Variants in SYT1 observed in about 807,000 individuals in gnomAD.
SYT1 encodes the protein synaptotagmin 1.
Under a neutral mutation model 44.8 loss-of-function variants are expected in SYT1, and 8 were observed. The observed-to-expected ratio is 0.18, with a 90% CI of 0.10 to 0.32. SYT1 has a LOEUF of 0.32. Ranked by LOEUF, SYT1 falls within the 10% of genes least tolerant of loss-of-function variation. SYT1 has a pLI of 1.00. For synonymous variants in SYT1, 154 were observed against 188.8 expected (o/e 0.82, Z 1.51); for missense variants, 286 against 509.3 (o/e 0.56, Z 4.22).
intron 3 of SYT1, among the ~76,000 whole-genome samples, chr12:79,048,909 C>T (rs571758734): frequency 6.6e-6 from 1 of 151,854 alleles, no homozygotes; most frequent in East Asian, 1.9e-4. Context: ...CAAAACAAAC[C>T]TTTTTCAACA....
intron 3 of SYT1, among the ~76,000 whole-genome samples, chr12:79,196,465 T>C (rs1873471587): frequency 6.6e-6 from 1 of 152,132 alleles, no homozygotes; most frequent in South Asian, 2.1e-4. Context: ...CGCACCCGGC[T>C]GTACATTTCT....
At chr12:79,095,322 C>T (rs1251125728) in intron 3 of SYT1, among the ~76,000 whole-genome samples, 1 of 151,796 alleles carries the variant, frequency 6.6e-6, no homozygotes, top group African/African-American at 2.4e-5. Context: ...CTTTGGAGCC[C>T]AGAGATCCAA....
intron 8 of SYT1, among the ~76,000 whole-genome samples, chr12:79,312,057 T>G: frequency 6.6e-6 from 1 of 151,962 alleles, no homozygotes; most frequent in Admixed American, 6.6e-5. Flanking sequence ...AATTAATTAA[T>G]TTTTAAAAAG....
chr12:78,883,346 C>T (rs1170881687), intron 1 of SYT1, among the ~76,000 whole-genome samples: 1 of 151,658 alleles, frequency 6.6e-6, no homozygotes, highest in Admixed American at 6.6e-5. Flanking sequence ...ACTGAAGTAT[C>T]ATCCTTCTTG....
intron 1 of SYT1, among the ~76,000 whole-genome samples, chr12:78,910,885 T>C (rs1258167325): frequency 2.0e-5 from 3 of 151,832 alleles, no homozygotes; most frequent in African/African-American, 7.3e-5. Context: ...AGGCAAATTA[T>C]TGAGAGGGCA....
intron 9 of SYT1, among the ~76,000 whole-genome samples, chr12:79,366,001 C>T (rs947557391): frequency 2.0e-5 from 3 of 152,038 alleles, no homozygotes; most frequent in Non-Finnish European, 2.9e-5. Context: ...AAATACATAC[C>T]GCTATGAAAG....
intron 1 of SYT1, among the ~76,000 whole-genome samples, chr12:78,975,890 C>G: frequency 6.6e-6 from 1 of 152,116 alleles, no homozygotes; most frequent in East Asian, 1.9e-4. Flanking sequence ...GAAAAAAATT[C>G]AATTATGAAA....
intron 2 of SYT1, among the ~76,000 whole-genome samples, chr12:79,038,549 A>T (rs943758340): frequency 5.9e-5 from 9 of 151,902 alleles, no homozygotes; most frequent in African/African-American, 1.9e-4. Context: ...GTCAAAAGAT[A>T]TGTAACAAAA....
chr12:79,384,138 T>C (rs1402550221), intron 9 of SYT1, among the ~76,000 whole-genome samples: 1 of 152,152 alleles, frequency 6.6e-6, no homozygotes, highest in African/African-American at 2.4e-5. Flanking sequence ...ACATGCATCA[T>C]GTTTCTGTAC....
At chr12:79,232,494 C>T (rs1323215942) in intron 4 of SYT1, among the ~76,000 whole-genome samples, 1 of 152,036 alleles carries the variant, frequency 6.6e-6, no homozygotes, top group Non-Finnish European at 1.5e-5. Context: ...TACAAATTGT[C>T]TCCTCTGCCT....
intron 3 of SYT1, among the ~76,000 whole-genome samples, chr12:79,216,890 A>G (rs1420090342): frequency 6.6e-6 from 1 of 152,196 alleles, no homozygotes; most frequent in Non-Finnish European, 1.5e-5. Flanking sequence ...ATTATTGATC[A>G]GAGTATTGTT....
intron 2 of SYT1, among the ~76,000 whole-genome samples, chr12:79,015,161 T>C (rs892036533): frequency 6.6e-6 from 1 of 151,948 alleles, no homozygotes; most frequent in Non-Finnish European, 1.5e-5. Context: ...TGTATACATA[T>C]GTAACTAACC....
intron 1 of SYT1, among the ~76,000 whole-genome samples, chr12:78,975,774 C>G (rs1161035829): frequency 3.3e-5 from 5 of 152,132 alleles, no homozygotes; most frequent in Non-Finnish European, 7.3e-5. Context: ...GGTGGCCATT[C>G]CCTCTGAGGA....
At chr12:79,097,920 G>A (rs1312297651) in intron 3 of SYT1, among the ~76,000 whole-genome samples, 1 of 151,992 alleles carries the variant, frequency 6.6e-6, no homozygotes, top group Non-Finnish European at 1.5e-5. Flanking sequence ...GTGTGTGCAT[G>A]TGAGCATGCA....
intron 3 of SYT1, among the ~76,000 whole-genome samples, chr12:79,166,794 A>T (rs987996559): frequency 1.3e-5 from 2 of 152,016 alleles, no homozygotes; most frequent in South Asian, 4.1e-4. Flanking sequence ...AGCTTTAGAG[A>T]TGCCTTTGCA....
intron 4 of SYT1, among the ~76,000 whole-genome samples, chr12:79,222,432 G>A (rs557791016): frequency 6.7e-6 from 1 of 148,342 alleles, no homozygotes; most frequent in African/African-American, 2.5e-5. Flanking sequence ...CCTAGACTGA[G>A]GTGCAGTGGC....
chr12:79,322,921 C>A (rs577172401), intron 8 of SYT1, among the ~76,000 whole-genome samples: 1 of 152,292 alleles, frequency 6.6e-6, no homozygotes, highest in African/African-American at 2.4e-5. Flanking sequence ...AAAGAACCAA[C>A]TTCTTTGGAG....
chr12:79,247,999 A>G (rs1342144974), intron 4 of SYT1, among the ~76,000 whole-genome samples: 2 of 152,244 alleles, frequency 1.3e-5, no homozygotes, highest in Non-Finnish European at 2.9e-5. Flanking sequence ...GTTAGAAAAA[A>G]TAGCGAAGAA....
chr12:78,985,098 A>G (rs1315992091), intron 2 of SYT1, among the ~76,000 whole-genome samples: 1 of 151,986 alleles, frequency 6.6e-6, no homozygotes, highest in Non-Finnish European at 1.5e-5. Context: ...AACGAATGAC[A>G]TAATGCAATA....
Sources: gnomAD v4.1 joint callset for allele counts (sites outside exome capture counted in the v4.1 genomes callset) on GRCh38, gnomAD v4.1.1 for gene constraint, MANE v1.5 for transcripts, NCBI Gene and HGNC (gene_info 2026-07-23, HGNC 2026-07-21) for gene names.